The following KCNIP4 variants were observed in gnomAD, a reference collection of about 807,000 sequenced individuals.
The protein encoded by KCNIP4 is potassium voltage-gated channel interacting protein 4, also known as Kv channel-interacting protein 4.
Under a neutral mutation model 34.0 loss-of-function variants are expected in KCNIP4, and 12 were observed. The observed-to-expected ratio is 0.35, with a 90% CI of 0.23 to 0.57. KCNIP4 has a LOEUF of 0.57. KCNIP4 is among the 20% of genes least tolerant of loss of function. KCNIP4 has a pLI of 0.83. For missense variants in KCNIP4, 238 were observed against 311.7 expected, an observed-to-expected ratio of 0.76 and a Z score of 1.78; for synonymous variants, 124 against 102.2, an observed-to-expected ratio of 1.21 and a Z score of -1.29.
intron 1 of KCNIP4, among the ~76,000 whole-genome samples, chr4:21,832,517 T>C (rs1723049678): frequency 6.6e-6 from 1 of 152,206 alleles, no homozygotes; most frequent in African/African-American, 2.4e-5. Context: ...AATCATCAGT[T>C]TGAAACCCAC....
At chr4:21,366,631 C>T (rs1395896648) in intron 1 of KCNIP4, among the ~76,000 whole-genome samples, 1 of 151,998 alleles carries the variant, frequency 6.6e-6, no homozygotes, top group Non-Finnish European at 1.5e-5. Flanking sequence ...CAGCTATTAT[C>T]CTAAAGCTGA....
At chr4:20,775,672 A>C (rs1444825842) in intron 3 of KCNIP4, among the ~76,000 whole-genome samples, 3 of 152,150 alleles carry the variant, frequency 2.0e-5, no homozygotes, top group Non-Finnish European at 2.9e-5. Flanking sequence ...TTGCTGCTGC[A>C]CTCTAGCCTG....
chr4:21,899,932 G>A (rs1727613865), intron 1 of KCNIP4, among the ~76,000 whole-genome samples: 1 of 151,546 alleles, frequency 6.6e-6, no homozygotes, highest in Admixed American at 6.6e-5. Context: ...AAATTAATAT[G>A]GAACCACAAA....
intron 1 of KCNIP4, among the ~76,000 whole-genome samples, chr4:21,793,362 ATTC>A: frequency 6.6e-6 from 1 of 152,222 alleles, no homozygotes; most frequent in East Asian, 1.9e-4. Flanking sequence ...GCCTCAAGCA[ATTC>A]TTCTGCCTCA....
chr4:20,943,945 A>C (rs1731917499), intron 1 of KCNIP4, among the ~76,000 whole-genome samples: 1 of 152,206 alleles, frequency 6.6e-6, no homozygotes, highest in Non-Finnish European at 1.5e-5. Context: ...GAAGAATGGA[A>C]AGGTTGATTC....
intron 1 of KCNIP4, among the ~76,000 whole-genome samples, chr4:21,359,564 C>A (rs531742778): frequency 6.6e-6 from 1 of 152,068 alleles, no homozygotes; most frequent in Non-Finnish European, 1.5e-5. Flanking sequence ...AAACACTGTA[C>A]CCTGGTTCTC....
intron 1 of KCNIP4, among the ~76,000 whole-genome samples, chr4:21,057,929 GA>G (rs1177772987): frequency 6.6e-6 from 1 of 152,108 alleles, no homozygotes; most frequent in Non-Finnish European, 1.5e-5. Flanking sequence ...GATTTCCAAA[GA>G]AGGAAGAAAA....
chr4:20,753,512 A>G (rs1418697431), intron 4 of KCNIP4, among the ~76,000 whole-genome samples: 1 of 152,206 alleles, frequency 6.6e-6, no homozygotes, highest in Non-Finnish European at 1.5e-5. Flanking sequence ...ATAGTATTTG[A>G]ACAAACACAC....
At chr4:21,390,891 A>G (rs1024545730) in intron 1 of KCNIP4, among the ~76,000 whole-genome samples, 5 of 152,022 alleles carry the variant, frequency 3.3e-5, no homozygotes, top group Non-Finnish European at 7.4e-5. Context: ...ACTGTCAGAT[A>G]TTTTTCCAAA....
chr4:21,430,138 T>C (rs1726307227), intron 1 of KCNIP4, among the ~76,000 whole-genome samples: 1 of 152,174 alleles, frequency 6.6e-6, no homozygotes, highest in Non-Finnish European at 1.5e-5. Flanking sequence ...ATCAGGCTTG[T>C]GTTTTTATCT....
chr4:21,647,993 C>G (rs1200835280), intron 1 of KCNIP4, among the ~76,000 whole-genome samples: 1 of 150,870 alleles, frequency 6.6e-6, no homozygotes, highest in Non-Finnish European at 1.5e-5. Context: ...CCTGCCTCAG[C>G]CTCCCTAGTA....
At chr4:21,944,514 G>A (rs1439854070) in intron 1 of KCNIP4, among the ~76,000 whole-genome samples, 3 of 135,026 alleles carry the variant, frequency 2.2e-5, no homozygotes, top group Non-Finnish European at 3.0e-5. Context: ...CCAAGGTCAC[G>A]CCACTGCACT....
intron 1 of KCNIP4, among the ~76,000 whole-genome samples, chr4:21,677,134 G>A (rs1314679920): frequency 1.3e-5 from 2 of 151,736 alleles, no homozygotes; most frequent in Admixed American, 6.6e-5. Flanking sequence ...ACAAATAAAT[G>A]TGAATTACAT....
At chr4:21,708,537 G>C (rs900135817) in intron 1 of KCNIP4, among the ~76,000 whole-genome samples, 1 of 152,038 alleles carries the variant, frequency 6.6e-6, no homozygotes, top group Non-Finnish European at 1.5e-5. Flanking sequence ...CAAAGAGCAA[G>C]CTGAAGATGA....
chr4:21,550,018 C>G (rs1423788512), intron 1 of KCNIP4, among the ~76,000 whole-genome samples: 1 of 152,132 alleles, frequency 6.6e-6, no homozygotes, highest in East Asian at 1.9e-4. Flanking sequence ...GGTCCAGCTA[C>G]AGCATAATGG....
chr4:21,310,417 C>T (rs562506133), intron 1 of KCNIP4, among the ~76,000 whole-genome samples: 1 of 152,206 alleles, frequency 6.6e-6, no homozygotes, highest in Non-Finnish European at 1.5e-5. Flanking sequence ...TGGAAAGTTT[C>T]TTCCCCTCAT....
At chr4:21,173,288 A>G (rs1044034096) in intron 1 of KCNIP4, among the ~76,000 whole-genome samples, 6 of 152,204 alleles carry the variant, frequency 3.9e-5, no homozygotes, top group Non-Finnish European at 5.9e-5. Flanking sequence ...CACTTTGTAA[A>G]TATCCACTAC....
chr4:21,508,020 T>C (rs988320769), intron 1 of KCNIP4, among the ~76,000 whole-genome samples: 1 of 152,210 alleles, frequency 6.6e-6, no homozygotes, highest in African/African-American at 2.4e-5. Context: ...TGTTTAGAAC[T>C]ACAGTTTATT....
intron 1 of KCNIP4, among the ~76,000 whole-genome samples, chr4:20,971,699 G>A (rs139400583): frequency 1.3e-5 from 2 of 152,188 alleles, no homozygotes; most frequent in Non-Finnish European, 2.9e-5. Flanking sequence ...GTTGGCTGCT[G>A]CTGATCAAGG....
Sources: allele counts gnomAD v4.1 joint callset (sites outside exome capture counted in the v4.1 genomes callset), GRCh38; gene constraint gnomAD v4.1.1; transcripts MANE v1.5; gene names NCBI Gene and HGNC (gene_info 2026-07-23, HGNC 2026-07-21).